The following TENT2 variants were observed in gnomAD, a reference collection of about 807,000 sequenced individuals.
TENT2 encodes terminal nucleotidyltransferase 2.
In TENT2, 44 loss-of-function variants were observed where a neutral mutation model predicts 72.2. The observed-to-expected ratio is 0.61, with a 90% CI of 0.48 to 0.78. The LOEUF (loss-of-function observed/expected upper bound fraction) is 0.78, where lower values mean the gene tolerates loss of function less well. Ranked by LOEUF, TENT2 falls within the 30% of genes least tolerant of loss-of-function variation. The pLI, the probability that TENT2 is intolerant of heterozygous loss-of-function variation, is 0.00. For missense variants in TENT2, 541 were observed against 569.6 expected, an observed-to-expected ratio of 0.95 and a Z score of 0.51; for synonymous variants, 212 against 192.5, an observed-to-expected ratio of 1.10 and a Z score of -0.84.
At chr5:79,677,467 A>T (rs1219347010) in intron 12 of TENT2, among the ~76,000 whole-genome samples, 1 of 152,256 alleles carries the variant, frequency 6.6e-6, no homozygotes, top group Non-Finnish European at 1.5e-5. Flanking sequence ...GATTTAAGGA[A>T]ATAAAAGTTG....
intron 11 of TENT2, among the ~76,000 whole-genome samples, chr5:79,661,760 G>A (rs895886066): frequency 2.6e-5 from 4 of 152,202 alleles, no homozygotes; most frequent in African/African-American, 9.6e-5. Flanking sequence ...GAAGGTTGGG[G>A]TGGCTGTGGC....
rs180973641 is a variant in TENT2 at position 79,653,970 on chromosome 5, T to C, written c.1028-2988T>C. On this transcript the variant is annotated intron_variant, in intron 10 of 14. Transcript: ENST00000453514. ...AAATGCTTTAATATCTTTTCTGCCA[T>C]AAGCAGAGAAAGGAAATAGGTCCTC... is the stretch of plus-strand genomic sequence containing the variant. 1.3e-4 allele frequency among the ~76,000 whole-genome samples: 20 copies of C among 152,298 alleles called. No individual in the cohort carries two copies. In the East Asian group the frequency reaches 3.5e-3, roughly 26 times the overall value.
At chr5:79,621,829 G>A (rs1171050318) in intron 3 of TENT2, among the ~76,000 whole-genome samples, 1 of 151,370 alleles carries the variant, frequency 6.6e-6, no homozygotes, top group Admixed American at 6.6e-5. Context: ...AATTAAAATT[G>A]GCATTCTCAT....
At chr5:79,639,291 GGTA>G (rs1309125967) in intron 4 of TENT2, among the ~76,000 whole-genome samples, 3 of 151,976 alleles carry the variant, frequency 2.0e-5, no homozygotes, top group Non-Finnish European at 4.4e-5. Flanking sequence ...GCTTGAAAAA[GGTA>G]GTAAACATTT....
rs145575987 is a variant in TENT2 at position 79,668,166 on chromosome 5, A to G, written c.1072-726A>G. 4.3e-3 allele frequency among the ~76,000 whole-genome samples: 655 copies of G among 152,236 alleles called. 6 individuals carry two copies. The highest frequency in any genetic ancestry group is 0.014 in the African/African-American group (580 of 41,570). ...GAATGGGATAACATAGGAAAACAGA[A>G]TAAGTACCCGTTAGTATTCTTTCTA... On this transcript the variant is annotated intron_variant, in intron 11 of 14. Coordinates refer to ENST00000453514, the MANE Select transcript of TENT2 (RefSeq NM_001114394.3).
intron 7 of TENT2, among the ~76,000 whole-genome samples, chr5:79,644,290 T>G (rs888298484): frequency 4.6e-5 from 7 of 152,096 alleles, no homozygotes; most frequent in African/African-American, 1.7e-4. Flanking sequence ...CTGATATATA[T>G]TCTGTAATTT....
At chr5:79,622,117 A>G (rs895740391) in intron 3 of TENT2, among the ~76,000 whole-genome samples, 11 of 152,142 alleles carry the variant, frequency 7.2e-5, no homozygotes, top group African/African-American at 2.7e-4. Context: ...CCTGGCCAAC[A>G]TGGTGAAACC....
At chr5:79,647,094 A>C (rs1367134693) in intron 8 of TENT2, among the ~76,000 whole-genome samples, 2 of 152,080 alleles carry the variant, frequency 1.3e-5, no homozygotes, top group African/African-American at 2.4e-5. Context: ...ACAGAACCAT[A>C]TCTCATGAAT....
Position 79,685,328 on chromosome 5 carries a change from C to T in TENT2, c.*55C>T. On this transcript the variant is annotated 3_prime_UTR_variant, in exon 15 of 15. Coordinates refer to ENST00000453514, the MANE Select transcript of TENT2 (RefSeq NM_001114394.3). Reference sequence around the variant, plus strand: ...AAGAAATAAAGAACAATAGTTTCATCATAATACATTATGTTTACCTCCATC... The same window carrying T: ...AAGAAATAAAGAACAATAGTTTCATTATAATACATTATGTTTACCTCCATC... 2 of 1,292,232 alleles carry T rather than the reference C, an allele frequency of 1.5e-6. No individual in the cohort carries two copies. The highest frequency in any genetic ancestry group is 2.2e-6 in the Non-Finnish European group (2 of 925,376). The allele number at this position is 1,292,232 out of a possible 1,614,324, so 80.0% of individuals were successfully genotyped here. A position where few individuals can be genotyped will look rare whatever the true frequency, so the allele number is the denominator to read the frequency against.
chr5:79,614,782 A>G (rs1758226970), intron 1 of TENT2, among the ~76,000 whole-genome samples: 1 of 151,534 alleles, frequency 6.6e-6, no homozygotes, highest in Non-Finnish European at 1.5e-5. Flanking sequence ...ATTTTGTGAA[A>G]CTCTACAGTC....
intron 3 of TENT2, among the ~76,000 whole-genome samples, chr5:79,622,999 T>C (rs1013604990): frequency 6.6e-6 from 1 of 152,148 alleles, no homozygotes; most frequent in Non-Finnish European, 1.5e-5. Flanking sequence ...GTAGTTCAAA[T>C]ACAGGAGACT....
intron 1 of TENT2, chr5:79,617,663 TC>T (rs1217888266): frequency 6.6e-6 from 1 of 152,228 alleles, no homozygotes; most frequent in Non-Finnish European, 1.5e-5. Context: ...GTTTTCTTTT[TC>T]TTTTTTGATA....
At chr5:79,624,768 A>G (rs1342564082) in intron 4 of TENT2, among the ~76,000 whole-genome samples, 1 of 152,214 alleles carries the variant, frequency 6.6e-6, no homozygotes, top group Non-Finnish European at 1.5e-5. Flanking sequence ...ATAATACTCT[A>G]TTGTATGAAT....
In TENT2 at chr5:79,642,705, G is replaced by A. The variant is rs571032683; in HGVS notation, c.673-127G>A. 96 of 652,054 alleles carry A rather than the reference G, an allele frequency of 1.5e-4. 1 individual carries two copies. The South Asian group carries it at 2.0e-3, about 14-fold the overall frequency. 40.4% of individuals were successfully genotyped at this position (652,054 alleles called of 1,614,324 possible). ...GAAAAATAAATTGAATATACTTTGAGTATATTGAAAAATAACTCCAAAGGA... is the reference window on the plus strand; with the variant it reads ...GAAAAATAAATTGAATATACTTTGAATATATTGAAAAATAACTCCAAAGGA... On this transcript the variant is annotated intron_variant, in intron 6 of 14. Coordinates refer to ENST00000453514, the MANE Select transcript of TENT2 (RefSeq NM_001114394.3).
chr5:79,642,652 A>G (rs934600096), intron 6 of TENT2, among the ~76,000 whole-genome samples, 180 bp from the exon 7 acceptor site: 1 of 152,142 alleles, frequency 6.6e-6, no homozygotes, highest in African/African-American at 2.4e-5. Flanking sequence ...GAAAGATAGC[A>G]TTAAAGGTTG....
At chr5:79,684,121 G>A (rs1824656836) in intron 14 of TENT2, among the ~76,000 whole-genome samples, 1 of 152,036 alleles carries the variant, frequency 6.6e-6, no homozygotes, top group African/African-American at 2.4e-5. Context: ...TCGAATAACT[G>A]ACATGAGACT....
rs200915674 is a variant in TENT2 at position 79,648,685 on chromosome 5, A to G, written c.890A>G (p.Tyr297Cys). The G allele has an allele frequency of 6.3e-7, 1 of 1,588,628 alleles. No homozygotes were observed. The highest frequency in any genetic ancestry group is 8.6e-7 in the Non-Finnish European group (1 of 1,167,922). Reference protein sequence around the residue: ...GIRNTFLLRTYAYLENRVRPL... With the variant: ...GIRNTFLLRTCAYLENRVRPL... ...AGAAACACATTCCTTCTCAGAACTT[A>G]TGCATACCGTAAGTTTGTTGTTTGT... Residue 297 changes from tyrosine (Y) to cysteine (C), a missense_variant, in exon 9 of 15, where the codon TAT becomes TGT. Transcript: ENST00000453514.
At chr5:79,680,986 T>C (rs540674853) in intron 13 of TENT2, among the ~76,000 whole-genome samples, 2 of 152,094 alleles carry the variant, frequency 1.3e-5, no homozygotes, top group Admixed American at 1.3e-4. Flanking sequence ...GGGTGAAAGG[T>C]GAGTGGGATG....
At chr5:79,637,410 G>A (rs1780983483) in intron 4 of TENT2, among the ~76,000 whole-genome samples, 1 of 151,626 alleles carries the variant, frequency 6.6e-6, no homozygotes, top group Non-Finnish European at 1.5e-5. Context: ...GGCTTTTTCT[G>A]TACTACTTTC....
Sources: gnomAD v4.1 joint callset for allele counts (sites outside exome capture counted in the v4.1 genomes callset) on GRCh38, gnomAD v4.1.1 for gene constraint, MANE v1.5 for transcripts, NCBI Gene and HGNC (gene_info 2026-07-23, HGNC 2026-07-21) for gene names.